The following GPBP1 variants were observed in gnomAD, a reference collection of about 807,000 sequenced individuals.
GPBP1 encodes vasculin.
In GPBP1, 13 loss-of-function variants were observed where a neutral mutation model predicts 56.5. That is an observed-to-expected ratio of 0.23 (90% CI 0.15 to 0.37). GPBP1 has a LOEUF of 0.37. GPBP1 is among the 10% of genes least tolerant of loss of function. The pLI is 1.00. For synonymous variants in GPBP1, 204 were observed against 188.9 expected (o/e 1.08, Z -0.66); for missense variants, 477 against 572.3 (o/e 0.83, Z 1.70).
chr5:57,208,977 C>G (rs1188566302), intron 2 of GPBP1, among the ~76,000 whole-genome samples: 1 of 152,082 alleles, frequency 6.6e-6, no homozygotes, highest in Non-Finnish European at 1.5e-5. Context: ...CTGTTTAGGT[C>G]TTTTAACATT....
chr5:57,199,949 C>T (rs1754925362), intron 2 of GPBP1, among the ~76,000 whole-genome samples: 1 of 145,630 alleles, frequency 6.9e-6, no homozygotes, highest in African/African-American at 2.5e-5. Flanking sequence ...CTCTTGACTT[C>T]AAGTGATCTA....
At chr5:57,190,775 C>T (rs1754488302) in intron 2 of GPBP1, among the ~76,000 whole-genome samples, 2 of 133,296 alleles carry the variant, frequency 1.5e-5, no homozygotes, top group Admixed American at 1.6e-4. Flanking sequence ...TCCATTATCA[C>T]AGCTCACTGC....
chr5:57,203,407 G>A (rs1233533711), intron 2 of GPBP1, among the ~76,000 whole-genome samples: 3 of 152,042 alleles, frequency 2.0e-5, no homozygotes, highest in Non-Finnish European at 4.4e-5. Flanking sequence ...AGGCCGAGGC[G>A]GGCAGATCAC....
At chr5:57,249,366 T>C (rs1316244227) in intron 8 of GPBP1, 43 bp from the exon 9 acceptor site, 12 of 1,457,898 alleles carry the variant, frequency 8.2e-6, no homozygotes, top group Non-Finnish European at 1.1e-5. Context: ...TGACATTGAT[T>C]CCTTGGCTAC....
At chr5:57,219,384 A>AC (rs1184108512) in intron 3 of GPBP1, among the ~76,000 whole-genome samples, 2 of 58,952 alleles carry the variant, frequency 3.4e-5, no homozygotes, top group African/African-American at 1.2e-4. Flanking sequence ...TCAAAAAAAA[A>AC]AAAAAAAAAA....
intron 5 of GPBP1, among the ~76,000 whole-genome samples, chr5:57,235,319 C>CTT (rs1756616403): frequency 6.6e-6 from 1 of 151,978 alleles, no homozygotes; most frequent in African/African-American, 2.4e-5. Context: ...AAAAAAAAAT[C>CTT]TGATTTTCCT....
chr5:57,216,679 C>A, intron 3 of GPBP1, among the ~76,000 whole-genome samples: 1 of 152,062 alleles, frequency 6.6e-6, no homozygotes. Flanking sequence ...GAGTGAGACT[C>A]TGTCTCAAAA....
intron 2 of GPBP1, among the ~76,000 whole-genome samples, chr5:57,200,159 C>A (rs1486498596): frequency 1.6e-5 from 2 of 122,888 alleles, no homozygotes; most frequent in African/African-American, 6.0e-5. Context: ...CTGCTTCCTT[C>A]CCTTTCCTTC....
chr5:57,257,961 G>A (rs1458597838), intron 10 of GPBP1, among the ~76,000 whole-genome samples: 1 of 152,126 alleles, frequency 6.6e-6, no homozygotes, highest in African/African-American at 2.4e-5. Context: ...GAAAAGGCAG[G>A]ACTTTAGAGA....
intron 2 of GPBP1, among the ~76,000 whole-genome samples, chr5:57,191,383 C>T (rs748817511): frequency 5.9e-5 from 9 of 151,882 alleles, no homozygotes; most frequent in African/African-American, 1.9e-4. Flanking sequence ...TGTGAGCCGC[C>T]GTGCCTGGCC....
At chr5:57,252,429 C>T (rs1000522287) in intron 10 of GPBP1, among the ~76,000 whole-genome samples, 3 of 152,080 alleles carry the variant, frequency 2.0e-5, no homozygotes, top group Non-Finnish European at 4.4e-5. Flanking sequence ...CTCACTCTGT[C>T]ACCCAGGCCG....
At chr5:57,178,729 T>G (rs1013381080) in intron 2 of GPBP1, among the ~76,000 whole-genome samples, 5 of 152,228 alleles carry the variant, frequency 3.3e-5, no homozygotes, top group African/African-American at 1.2e-4. Flanking sequence ...TTGACAGATA[T>G]TTTCAGTATT....
chr5:57,180,024 T>C (rs1192663256), intron 2 of GPBP1, among the ~76,000 whole-genome samples: 1 of 151,302 alleles, frequency 6.6e-6, no homozygotes, highest in Non-Finnish European at 1.5e-5. Flanking sequence ...AAAAAAAAAC[T>C]GGGGAGAGTT....
intron 2 of GPBP1, among the ~76,000 whole-genome samples, chr5:57,193,022 TAAAG>T (rs143806550): frequency 0.015 from 2,339 of 151,842 alleles, 136 homozygotes; most frequent in East Asian, 0.099. Flanking sequence ...AGATGAATGT[TAAAG>T]AAACTGTTGG....
chr5:57,180,333 C>T (rs1753985559), intron 2 of GPBP1, among the ~76,000 whole-genome samples: 1 of 152,112 alleles, frequency 6.6e-6, no homozygotes, highest in Non-Finnish European at 1.5e-5. Context: ...CCAGGCTGGT[C>T]TCGAACTCCT....
intron 2 of GPBP1, among the ~76,000 whole-genome samples, chr5:57,200,221 A>G (rs1190039221): frequency 6.8e-6 from 1 of 146,422 alleles, no homozygotes; most frequent in African/African-American, 2.5e-5. Context: ...TGGCCAAGGC[A>G]TGGATGCAGG....
chr5:57,182,668 GCTT>G (rs760737537), intron 2 of GPBP1, among the ~76,000 whole-genome samples: 2 of 151,794 alleles, frequency 1.3e-5, no homozygotes, highest in Admixed American at 6.6e-5. Flanking sequence ...ACCGCACTCG[GCTT>G]CTTCTCTTTA....
intron 3 of GPBP1, among the ~76,000 whole-genome samples, chr5:57,220,848 T>C (rs1441316048): frequency 6.6e-6 from 1 of 152,206 alleles, no homozygotes; most frequent in African/African-American, 2.4e-5. Flanking sequence ...GTGATACTTT[T>C]ATTGTACCTT....
At chr5:57,259,336 T>C (rs778827581) in intron 10 of GPBP1, among the ~76,000 whole-genome samples, 14 of 152,206 alleles carry the variant, frequency 9.2e-5, no homozygotes, top group Non-Finnish European at 1.9e-4. Flanking sequence ...TGTGAGACTC[T>C]GAAAAAAGGT....
Sources: allele counts gnomAD v4.1 joint callset (sites outside exome capture counted in the v4.1 genomes callset), GRCh38; gene constraint gnomAD v4.1.1; transcripts MANE v1.5; gene names NCBI Gene and HGNC (gene_info 2026-07-23, HGNC 2026-07-21).